The following DNAH3 variants were observed in gnomAD, a reference collection of about 807,000 sequenced individuals.
The protein encoded by DNAH3 is dynein axonemal heavy chain 3, also known as axonemal beta dynein heavy chain 3.
Under a neutral mutation model 432.5 loss-of-function variants are expected in DNAH3, and 332 were observed. The ratio of observed to expected loss-of-function variants is 0.77; its 90% CI spans 0.70 to 0.84. DNAH3 has a LOEUF of 0.84. Among genes scored for constraint, DNAH3 ranks in the 40% least tolerant of loss-of-function variants. The pLI is 0.00. For synonymous variants in DNAH3, 1,956 were observed against 1,900.2 expected (o/e 1.03, Z -0.76); for missense variants, 4,861 against 5,114.0 (o/e 0.95, Z 1.51).
chr16:21,035,227 T>A (rs1176043952), intron 35 of DNAH3, among the ~76,000 whole-genome samples: 2 of 152,156 alleles, frequency 1.3e-5, no homozygotes, highest in African/African-American at 4.8e-5. Flanking sequence ...CTCGAGAGGC[T>A]GAGGCAGCAG....
At chr16:20,959,150 G>A (rs764480676) in intron 54 of DNAH3, 29 bp downstream of exon 54, 3 of 1,605,950 alleles carry the variant, frequency 1.9e-6, no homozygotes, top group Admixed American at 3.3e-5. Flanking sequence ...TTGGGTCCCA[G>A]AGAAGGCAGT....
intron 3 of DNAH3, among the ~76,000 whole-genome samples, chr16:21,142,224 A>G (rs1441422679): frequency 1.3e-5 from 2 of 150,740 alleles, no homozygotes; most frequent in African/African-American, 2.4e-5. Flanking sequence ...AAAATTAGCC[A>G]GGCATGGTGG....
At position 20,965,148 on chromosome 16, in the gene DNAH3, CT is replaced by C; in HGVS notation, c.8735del (p.Glu2912GlyfsTer11). 1.9e-6 allele frequency: 3 copies of C among 1,614,146 alleles called. No individual in the cohort carries two copies. Among genetic ancestry groups the C allele is most frequent in the Non-Finnish European group, 2.5e-6 (3 of 1,180,044 alleles). The stretch of plus-strand genomic sequence containing the variant: ...TCTGCATCTGTGCAGCCAGCTTCCC[CT>C]CTGCCTCCCTCAGTCGCTCCCGTTT... On this transcript the variant is annotated frameshift_variant, in exon 53 of 62. Transcript: ENST00000261383. LOFTEE classifies it high-confidence loss of function.
In DNAH3 at chr16:21,054,458, C is replaced by T. The variant is rs547990281; in HGVS notation, c.4001G>A (p.Arg1334Gln). ...GACCGTGAGGGCCCCGAGAGTGAGT[C>T]GAGCTCCACTGCTCAGCTTCCCTCG... is the stretch of plus-strand genomic sequence containing the variant. Residue 1334 changes from arginine (R) to glutamine (Q), a missense_variant, in exon 28 of 62, where the codon CGA becomes CAA. Physicochemically the swap from Arg to Gln is conservative, Grantham distance 43. Coordinates refer to ENST00000261383, the Ensembl canonical transcript of DNAH3. The T allele has an allele frequency of 3.7e-6, 6 of 1,614,190 alleles. No homozygotes were observed. In the East Asian group the frequency reaches 6.7e-5, roughly 18 times the overall value.
At chr16:20,987,448 C>T in exon 47 of DNAH3, 5 of 1,613,784 alleles carry the variant, frequency 3.1e-6, no homozygotes, top group Non-Finnish European at 4.2e-6. Flanking sequence ...TTTTCTACAT[C>T]CTAAAAATCC....
intron 40 of DNAH3, among the ~76,000 whole-genome samples, 200 bp downstream of exon 40, chr16:21,021,771 G>A (rs1355949247): frequency 6.6e-6 from 1 of 151,736 alleles, no homozygotes; most frequent in Non-Finnish European, 1.5e-5. Context: ...AATAGAAGTG[G>A]TGCGTAACTT....
intron 41 of DNAH3, among the ~76,000 whole-genome samples, chr16:21,011,326 G>A (rs981533941): frequency 2.0e-5 from 3 of 152,142 alleles, no homozygotes; most frequent in African/African-American, 7.2e-5. Context: ...AGATTAACCT[G>A]AATAATTTAT....
intron 1 of DNAH3, among the ~76,000 whole-genome samples, chr16:21,151,846 GT>G (rs2092856214): frequency 1.3e-5 from 2 of 152,220 alleles, no homozygotes; most frequent in East Asian, 3.9e-4. Context: ...GACTTAATGA[GT>G]TTTTTGGGGG....
chr16:20,994,263 C>T (rs2086672284), intron 44 of DNAH3, among the ~76,000 whole-genome samples: 1 of 151,980 alleles, frequency 6.6e-6, no homozygotes, highest in Admixed American at 6.6e-5. Flanking sequence ...AACCCCGTCT[C>T]TACTAAAAAT....
chr16:20,940,658 C>T (rs1171764681), intron 59 of DNAH3, among the ~76,000 whole-genome samples: 3 of 151,640 alleles, frequency 2.0e-5, no homozygotes, highest in Non-Finnish European at 4.4e-5. Flanking sequence ...TCTTGGACTC[C>T]TGGCCTCAGG....
At chr16:21,051,567 G>T in intron 29 of DNAH3, 103 bp downstream of exon 29, 1 of 1,160,690 alleles carries the variant, frequency 8.6e-7, no homozygotes, top group Non-Finnish European at 1.3e-6. Flanking sequence ...TCTGAAGTGT[G>T]AAGGGTAAAG....
chr16:21,141,265 T>A, intron 4 of DNAH3, 35 bp downstream of exon 5: 4 of 1,480,908 alleles, frequency 2.7e-6, no homozygotes, highest in Non-Finnish European at 3.7e-6. Context: ...CAGCCCACCG[T>A]CCTGCCTTCT....
chr16:21,111,177 A>G (rs148092618), intron 14 of DNAH3, among the ~76,000 whole-genome samples: 17 of 152,322 alleles, frequency 1.1e-4, no homozygotes, highest in African/African-American at 4.1e-4. Flanking sequence ...TCCTTTTGAA[A>G]AAGAAAAAGA....
At chr16:21,153,244 C>T (rs2092874712) in intron 1 of DNAH3, among the ~76,000 whole-genome samples, 1 of 152,066 alleles carries the variant, frequency 6.6e-6, no homozygotes, top group Admixed American at 6.5e-5. Flanking sequence ...CACCAATCAG[C>T]ACTCTGTATC....
At chr16:21,150,381 G>C in intron 1 of DNAH3, 1 of 440,746 alleles carries the variant, frequency 2.3e-6, no homozygotes, top group South Asian at 1.6e-5. Flanking sequence ...GCTTCTCCAG[G>C]GATGTGCCTC....
chr16:20,964,984 G>C, exon 53 of DNAH3: 1 of 1,614,038 alleles, frequency 6.2e-7, no homozygotes, highest in Non-Finnish European at 8.5e-7. Flanking sequence ...CAGTTTCTCT[G>C]CCCTGACCAG....
At chr16:21,024,342 C>G (rs1047702787) in intron 39 of DNAH3, among the ~76,000 whole-genome samples, 2 of 152,108 alleles carry the variant, frequency 1.3e-5, no homozygotes, top group Non-Finnish European at 2.9e-5. Flanking sequence ...GGATTCTCCA[C>G]TGGGGAGCCA....
At chr16:21,069,697 C>G in intron 22 of DNAH3, 103 bp from the exon 23 acceptor site, 1 of 1,008,840 alleles carries the variant, frequency 9.9e-7, no homozygotes, top group Non-Finnish European at 1.5e-6. Flanking sequence ...TTCATTCATT[C>G]AGTCTGTCAC....
chr16:20,998,618 G>A (rs929107164), intron 43 of DNAH3, among the ~76,000 whole-genome samples: 5 of 151,640 alleles, frequency 3.3e-5, no homozygotes, highest in African/African-American at 1.2e-4. Context: ...CGAAGGGCAG[G>A]GACTCATTTT....
Sources: allele counts gnomAD v4.1 joint callset (sites outside exome capture counted in the v4.1 genomes callset), GRCh38; gene constraint gnomAD v4.1.1; transcripts MANE v1.5; gene names NCBI Gene and HGNC (gene_info 2026-07-23, HGNC 2026-07-21).